The following MYLK variants were observed in gnomAD, a reference collection of about 807,000 sequenced individuals.
MYLK encodes myosin light chain kinase, smooth muscle.
Under a neutral mutation model 203.4 loss-of-function variants are expected in MYLK, and 106 were observed. The ratio of observed to expected loss-of-function variants is 0.52; its 90% CI spans 0.45 to 0.61. MYLK has a LOEUF of 0.61. Ranked by LOEUF, MYLK falls within the 20% of genes least tolerant of loss-of-function variation. The pLI, the probability that MYLK is intolerant of heterozygous loss-of-function variation, is 0.00. For missense variants in MYLK, 2,072 were observed against 2,442.3 expected (o/e 0.85, Z 3.20); for synonymous variants, 867 against 959.5 (o/e 0.90, Z 1.78).
intron 4 of MYLK, among the ~76,000 whole-genome samples, chr3:123,753,953 C>A (rs1157885101): frequency 1.3e-5 from 2 of 152,186 alleles, no homozygotes; most frequent in African/African-American, 4.8e-5. Context: ...CAAAGAAAGG[C>A]TTCACTGATC....
At chr3:123,712,581 C>T (rs2061738262) in intron 13 of MYLK, among the ~76,000 whole-genome samples, 1 of 152,220 alleles carries the variant, frequency 6.6e-6, no homozygotes, top group Non-Finnish European at 1.5e-5. Flanking sequence ...TGGGTCTCAG[C>T]CATTGGGGAC....
intron 24 of MYLK, among the ~76,000 whole-genome samples, chr3:123,652,481 G>C (rs1339934048): frequency 1.3e-5 from 2 of 152,212 alleles, no homozygotes; most frequent in Non-Finnish European, 2.9e-5. Context: ...CCCCTGGACA[G>C]AGAATTGTCC....
chr3:123,737,524 G>T lies in MYLK; in HGVS notation c.608C>A (p.Pro203Gln), dbSNP rs772426809. The T allele has an allele frequency of 2.4e-5, 39 of 1,613,992 alleles. No individual in the cohort carries two copies. The highest frequency in any genetic ancestry group is 3.1e-5 in the Non-Finnish European group (36 of 1,180,046). ...TWLKGNVPLQ[P>Q]SARVSVSEKN... ...CTCAGACACAGACACACGGGCACTC[G>T]GCTGCAGTGGAACATTTCCCTGTGG... Residue 203 changes from proline (P) to glutamine (Q), a missense_variant, in exon 8 of 34, where the codon CCG (proline) becomes CAG (glutamine). Pro to Gln is a moderately conservative substitution (Grantham distance 76). Around this residue, in one of 3 missense-constraint regions of MYLK, gnomAD observed 683 missense variants for 643.8 expected, o/e 1.06. Coordinates refer to ENST00000360304, the MANE Select transcript of MYLK (RefSeq NM_053025.4).
chr3:123,841,809 T>C (rs895418841), intron 2 of MYLK, among the ~76,000 whole-genome samples: 3 of 152,150 alleles, frequency 2.0e-5, no homozygotes, highest in African/African-American at 7.2e-5. Context: ...GTCAGGAAGA[T>C]ATAACATTTG....
Position 123,743,347 on chromosome 3 carries a change from G to A in MYLK, c.374-3346C>T, listed in dbSNP as rs563260925. On this transcript the variant is annotated intron_variant, in intron 5 of 33. Transcript: ENST00000360304. ...TGATGAAAACATATCACATAAAGCAGTCAGCTAAAAATGGAATTGATGGAT... is the reference window on the plus strand; with the variant it reads ...TGATGAAAACATATCACATAAAGCAATCAGCTAAAAATGGAATTGATGGAT... 7.9e-5 allele frequency among the ~76,000 whole-genome samples: 12 copies of A among 152,260 alleles called. No individual in the cohort carries two copies. In the South Asian group the frequency reaches 1.2e-3, roughly 16 times the overall value.
intron 4 of MYLK, among the ~76,000 whole-genome samples, chr3:123,776,030 G>A (rs1244152796): frequency 2.0e-5 from 3 of 152,142 alleles, no homozygotes; most frequent in African/African-American, 4.8e-5. Flanking sequence ...CCCAGCAGAC[G>A]CCATTACCGG....
chr3:123,659,656 C>A, intron 23 of MYLK: 1 of 517,692 alleles, frequency 1.9e-6, no homozygotes, highest in Non-Finnish European at 3.9e-6. Flanking sequence ...GAGCCCCATG[C>A]AGTGGCTGAA....
At chr3:123,774,766 C>T (rs1383747056) in intron 4 of MYLK, among the ~76,000 whole-genome samples, 2 of 152,160 alleles carry the variant, frequency 1.3e-5, no homozygotes, top group Admixed American at 6.5e-5. Flanking sequence ...AGAATGAAAC[C>T]GGCCTTCTTC....
At chr3:123,728,381 T>C (rs1299171276) in intron 11 of MYLK, among the ~76,000 whole-genome samples, 1 of 152,136 alleles carries the variant, frequency 6.6e-6, no homozygotes, top group Non-Finnish European at 1.5e-5. Flanking sequence ...CATGATGGCA[T>C]GTGCCTGTAG....
chr3:123,620,262 T>C lies in MYLK; in HGVS notation c.5313A>G (p.Lys1771=). 1 of 1,614,206 alleles carries C rather than the reference T, an allele frequency of 6.2e-7. No individual in the cohort carries two copies. The highest frequency in any genetic ancestry group is 8.5e-7 in the Non-Finnish European group (1 of 1,180,034). ...GGCTGGTTGGTGACCCTGTTGAGGA[T>C]TTCCTGCCACTGAGCCCTGAGATCA... ...MAMISGLSGR[K]SSTGSPTSPL... The change falls in exon 32 of 34, where the codon AAA becomes AAG. Residue 1771 remains lysine, a synonymous_variant. Transcript: ENST00000360304.
chr3:123,776,250 G>A (rs79946666), intron 4 of MYLK, among the ~76,000 whole-genome samples: 10,279 of 152,212 alleles, frequency 0.068, 1,112 homozygotes, highest in African/African-American at 0.23. Flanking sequence ...AGGTGCCCCA[G>A]ATGTGACAAG....
At chr3:123,804,917 C>T (rs2065316527) in intron 3 of MYLK, among the ~76,000 whole-genome samples, 1 of 152,112 alleles carries the variant, frequency 6.6e-6, no homozygotes, top group Non-Finnish European at 1.5e-5. Flanking sequence ...CTAAGCCATT[C>T]AGCTGGAACA....
intron 4 of MYLK, among the ~76,000 whole-genome samples, chr3:123,758,528 C>G (rs2063432169): frequency 6.6e-6 from 1 of 152,004 alleles, no homozygotes; most frequent in Non-Finnish European, 1.5e-5. Context: ...TGATCAGCCA[C>G]TCTCACTTCC....
intron 20 of MYLK, among the ~76,000 whole-genome samples, chr3:123,669,895 T>C (rs1218931791): frequency 6.6e-6 from 1 of 151,470 alleles, no homozygotes; most frequent in Non-Finnish European, 1.5e-5. Context: ...ATTAGCCAGG[T>C]GTGGTGGTGT....
chr3:123,627,995 A>C (rs1183797418), intron 30 of MYLK, among the ~76,000 whole-genome samples: 1 of 152,244 alleles, frequency 6.6e-6, no homozygotes, highest in Non-Finnish European at 1.5e-5. Flanking sequence ...GGATGACAAA[A>C]GCCATCCTTG....
chr3:123,872,945 A>T (rs1459497932), intron 2 of MYLK, among the ~76,000 whole-genome samples: 1 of 152,002 alleles, frequency 6.6e-6, no homozygotes, highest in African/African-American at 2.4e-5. Flanking sequence ...TCCTCTGACA[A>T]TCAGCCCCCA....
At position 123,618,909 on chromosome 3, in the gene MYLK, C is replaced by A. The variant is rs919314166; in HGVS notation, c.5369-139G>T. On this transcript the variant is annotated intron_variant, in intron 32 of 33. Coordinates refer to ENST00000360304, the MANE Select transcript of MYLK (RefSeq NM_053025.4). Reference sequence around the variant, plus strand: ...CTTTGAGAACTGAATCATAAGCACGCCTTTCTCCTGGGGACAGGTTGGCCT... The same window carrying A: ...CTTTGAGAACTGAATCATAAGCACGACTTTCTCCTGGGGACAGGTTGGCCT... 2.7e-5 allele frequency: 31 copies of A among 1,158,676 alleles called. 1 individual carries two copies. The highest frequency in any genetic ancestry group is 1.1e-4 in the South Asian group (8 of 74,668). 71.8% of individuals were successfully genotyped at this position (1,158,676 alleles called of 1,614,324 possible). A position where few individuals can be genotyped will look rare whatever the true frequency, so the allele number is the denominator to read the frequency against.
chr3:123,675,225 T>A (rs910179114), intron 20 of MYLK, among the ~76,000 whole-genome samples: 1 of 152,242 alleles, frequency 6.6e-6, no homozygotes, highest in Non-Finnish European at 1.5e-5. Context: ...GAGATTGATA[T>A]TAGAGGAAGT....
At chr3:123,830,483 T>C (rs575320102) in intron 3 of MYLK, among the ~76,000 whole-genome samples, 61 of 152,348 alleles carry the variant, frequency 4.0e-4, no homozygotes, top group South Asian at 1.5e-3. Flanking sequence ...TCTAAGAAGC[T>C]ATTCCCTCAA....
Sources: gnomAD v4.1 joint callset for allele counts (sites outside exome capture counted in the v4.1 genomes callset) on GRCh38, gnomAD v4.1.1 for gene constraint, gnomAD v4.1.1 regional missense constraint, MANE v1.5 for transcripts, NCBI Gene and HGNC (gene_info 2026-07-23, HGNC 2026-07-21) for gene names.